Variants in NQO1 observed in about 807,000 individuals in gnomAD.
NQO1 encodes the protein NAD(P)H dehydrogenase [quinone] 1.
Under a neutral mutation model 32.1 loss-of-function variants are expected in NQO1, and 30 were observed. The observed-to-expected ratio is 0.94, with a 90% confidence interval of 0.70 to 1.27. The LOEUF (loss-of-function observed/expected upper bound fraction) is 1.27. NQO1 is among the 50% of genes most tolerant of loss of function. The probability of loss-of-function intolerance (pLI) is 0.00; values close to 1 mark genes in which losing one functional copy is unlikely to be tolerated. For missense variants in NQO1, 276 were observed against 331.3 expected, an observed-to-expected ratio of 0.83 and a Z score of 1.30; for synonymous variants, 109 against 119.7, an observed-to-expected ratio of 0.91 and a Z score of 0.59.
chr16:69,717,155 A>G lies in NQO1; in HGVS notation c.303+968T>C, dbSNP rs114748839. ...CCCTCCTCGTGGTTTCCAGGATCATATACATTCTATGTTCAATATCAAAAG... is the reference window on the plus strand; with the variant it reads ...CCCTCCTCGTGGTTTCCAGGATCATGTACATTCTATGTTCAATATCAAAAG... On this transcript the variant is annotated intron_variant, in intron 3 of 5. Coordinates refer to ENST00000320623, the MANE Select transcript of NQO1 (RefSeq NM_000903.3). Among the ~76,000 whole-genome samples the G allele has an allele frequency of 9.0e-3, 1,365 of 152,144 alleles. 19 individuals carry two copies. Among genetic ancestry groups the G allele is most frequent in the African/African-American group, 0.032 (1,309 of 41,494 alleles).
At chr16:69,713,565 T>C (rs2038069319) in intron 4 of NQO1, among the ~76,000 whole-genome samples, 1 of 152,208 alleles carries the variant, frequency 6.6e-6, no homozygotes, top group African/African-American at 2.4e-5. Context: ...TTGTTTTTAT[T>C]ATGGAAATTT....
In NQO1 at chr16:69,710,048, A is replaced by G. The variant is rs1459250611; in HGVS notation, c.*928T>C. The G allele has an allele frequency of 6.1e-6, 2 of 330,258 alleles. No individual in the cohort carries two copies. The highest frequency in any genetic ancestry group is 4.3e-5 in the African/African-American group (2 of 47,002). 20.5% of individuals were successfully genotyped at this position (330,258 alleles called of 1,614,324 possible). A position where few individuals can be genotyped will look rare whatever the true frequency, so the allele number is the denominator to read the frequency against. On this transcript the variant is annotated 3_prime_UTR_variant, in exon 6 of 6. Coordinates refer to ENST00000320623, the MANE Select transcript of NQO1 (RefSeq NM_000903.3). ...TGCAAACCTTAAAGTAGAAGATTGCAAGGGCCAGGTGTGGTGGATCACGCC... is the reference window on the plus strand; with the variant it reads ...TGCAAACCTTAAAGTAGAAGATTGCGAGGGCCAGGTGTGGTGGATCACGCC...
rs689453 is a variant in NQO1, at chr16:69,718,470, C to T, written c.72G>A (p.Glu24=). The T allele has an allele frequency of 0.07, 113,287 of 1,614,098 alleles. 4,413 individuals are homozygous for T. Among genetic ancestry groups the T allele is most frequent in the Middle Eastern group, 0.098 (595 of 6,062 alleles). The change falls in exon 2 of 6, where the codon GAG becomes GAA. Residue 24 remains glutamate (E), a synonymous_variant. Coordinates refer to ENST00000320623, the MANE Select transcript of NQO1 (RefSeq NM_000903.3). ...ERTSFNYAMK[E]AAAAALKKKG... Reference sequence around the variant, plus strand: ...TCTTCTTCAAAGCCGCTGCAGCAGCCTCCTTCATGGCATAGTTGAAGGACG... The same window carrying T: ...TCTTCTTCAAAGCCGCTGCAGCAGCTTCCTTCATGGCATAGTTGAAGGACG...
At position 69,714,958 on chromosome 16, in the gene NQO1, A is replaced by C. The variant is rs1291968903; in HGVS notation, c.417+6T>G. ...GCTGTCAGAGCATTCAGAACCATCC[A>C]CCTACCCGGAAGGGTCCTTTGTCAT... On this transcript the variant is annotated splice_donor_region_variant and intron_variant, in intron 4 of 5. Coordinates refer to ENST00000320623, the MANE Select transcript of NQO1 (RefSeq NM_000903.3). 3 of 1,601,236 alleles carry C rather than the reference A, an allele frequency of 1.9e-6. No homozygotes were observed. In the South Asian group the frequency reaches 3.3e-5, roughly 18 times the overall value.
intron 3 of NQO1, 112 bp from the exon 4 acceptor site, chr16:69,715,189 C>A: frequency 2.7e-6 from 2 of 747,612 alleles, no homozygotes; most frequent in South Asian, 1.5e-5. Flanking sequence ...AGCCCCTCTT[C>A]ACACCTTTCC....
chr16:69,722,817 T>A (rs1476369934), intron 1 of NQO1, among the ~76,000 whole-genome samples: 1 of 152,240 alleles, frequency 6.6e-6, no homozygotes, highest in Admixed American at 6.5e-5. Flanking sequence ...ACCCATGGAT[T>A]TAACATGATT....
intron 1 of NQO1, among the ~76,000 whole-genome samples, chr16:69,721,279 C>T (rs1312332199): frequency 6.6e-6 from 1 of 152,188 alleles, no homozygotes; most frequent in East Asian, 1.9e-4. Flanking sequence ...AGAGGATTAA[C>T]AGATGGGGCC....
chr16:69,713,606 C>T (rs990983831), intron 4 of NQO1, among the ~76,000 whole-genome samples: 2 of 152,180 alleles, frequency 1.3e-5, no homozygotes, highest in African/African-American at 4.8e-5. Flanking sequence ...AATAGTGCTG[C>T]ATCTATCACT....
Position 69,713,997 on chromosome 16 carries a change from T to C in NQO1, c.418-868A>G, listed in dbSNP as rs956466174. ...TTCAAGCAACTATCTTGCCTCAGCC[T>C]CCCGAGTACCTGGGACTACAGGCAC... On this transcript the variant is annotated intron_variant, in intron 4 of 5. Coordinates refer to ENST00000320623, the MANE Select transcript of NQO1 (RefSeq NM_000903.3). 2.6e-5 allele frequency among the ~76,000 whole-genome samples: 4 copies of C among 151,516 alleles called. No individual in the cohort carries two copies. The South Asian group carries it at 8.4e-4, about 32-fold the overall frequency.
chr16:69,711,714 C>G lies in NQO1; in HGVS notation c.520-433G>C, dbSNP rs2038044142. On this transcript the variant is annotated intron_variant, in intron 5 of 5. Transcript: ENST00000320623. ...GGTCGTCCAGGCTGGAGTGCCATGGCACGATCTCGGCTCATTGCGGCTTCC... is the reference window on the plus strand; with the variant it reads ...GGTCGTCCAGGCTGGAGTGCCATGGGACGATCTCGGCTCATTGCGGCTTCC... Among the ~76,000 whole-genome samples, 4 of 150,236 alleles carry G rather than the reference C, an allele frequency of 2.7e-5. No homozygotes were observed. In the South Asian group the frequency reaches 8.4e-4, roughly 31 times the overall value.
chr16:69,715,144 T>C, intron 3 of NQO1, 67 bp from the exon 4 acceptor site: 1 of 1,144,272 alleles, frequency 8.7e-7, no homozygotes, highest in Non-Finnish European at 1.3e-6. Context: ...TGGCTCGGAG[T>C]GCTGAGCCGC....
intron 3 of NQO1, 38 bp downstream of exon 3, chr16:69,718,085 C>A: frequency 6.2e-7 from 1 of 1,612,250 alleles, no homozygotes; most frequent in South Asian, 1.1e-5. Context: ...AATAAGCACG[C>A]AAATGTCCCT....
Position 69,726,425 on chromosome 16 carries a change from G to T in NQO1, c.7+8C>A, listed in dbSNP as rs945908070. 3 of 1,611,894 alleles carry T rather than the reference G, an allele frequency of 1.9e-6. No individual in the cohort carries two copies. Among genetic ancestry groups the T allele is most frequent in the Non-Finnish European group, 2.5e-6 (3 of 1,179,512 alleles). ...ACCGCCAAGCACCCCGCCCTTTGCA[G>T]CACTCACCGACCATGGCTCTGGTGC... On this transcript the variant is annotated splice_region_variant and intron_variant, in intron 1 of 5. Transcript: ENST00000320623.
At chr16:69,715,895 G>A (rs2033376823) in intron 3 of NQO1, among the ~76,000 whole-genome samples, 1 of 151,714 alleles carries the variant, frequency 6.6e-6, no homozygotes, top group Admixed American at 6.6e-5. Flanking sequence ...GGCTGAGTGT[G>A]GTTGCTCATG....
intron 3 of NQO1, among the ~76,000 whole-genome samples, chr16:69,717,296 CGAA>C (rs1567632311): frequency 6.6e-6 from 1 of 152,146 alleles, no homozygotes; most frequent in Non-Finnish European, 1.5e-5. Flanking sequence ...GGCAGCTTCC[CGAA>C]GAAGAAAGGC....
In NQO1 at chr16:69,722,081, G is replaced by A. The variant is rs1256494359; in HGVS notation, c.8-3547C>T. ...GACGCTTACCCCCACAGTTGCTCCT[G>A]ATAATGTGCGCTGCTACTTCATACC... On this transcript the variant is annotated intron_variant, in intron 1 of 5. Coordinates refer to ENST00000320623, the MANE Select transcript of NQO1 (RefSeq NM_000903.3). Among the ~76,000 whole-genome samples, 3 of 149,684 alleles carry A rather than the reference G, an allele frequency of 2.0e-5. No individual in the cohort carries two copies. In the East Asian group the frequency reaches 6.0e-4, roughly 30 times the overall value.
In NQO1 at chr16:69,718,231, G is replaced by T. The variant is rs1447697523; in HGVS notation, c.195C>A (p.Asn65Lys). ...DITGKLKDPA[N>K]FQYPAESVLA... The stretch of plus-strand genomic sequence containing the variant: ...GAACAGACTCGGCAGGATACTGAAA[G>T]TTCGCAGGGTCCTTCAGTTTACCTG... Residue 65 changes from asparagine (N) to lysine (K), a missense_variant, in exon 3 of 6, where the codon AAC becomes AAA. Asn to Lys is a moderately conservative substitution (Grantham distance 94, BLOSUM62 0). Coordinates refer to ENST00000320623, the MANE Select transcript of NQO1 (RefSeq NM_000903.3). The T allele has an allele frequency of 4.3e-6, 7 of 1,614,050 alleles. No individual in the cohort carries two copies. The highest frequency in any genetic ancestry group is 5.9e-6 in the Non-Finnish European group (7 of 1,180,054).
chr16:69,719,104 C>T (rs148083147), intron 1 of NQO1, among the ~76,000 whole-genome samples: 6 of 151,702 alleles, frequency 4.0e-5, no homozygotes, highest in South Asian at 2.1e-4. Context: ...TTTACCCATT[C>T]GTTTACATGG....
At chr16:69,712,288 G>A (rs1416162914) in intron 5 of NQO1, among the ~76,000 whole-genome samples, 2 of 151,108 alleles carry the variant, frequency 1.3e-5, no homozygotes, top group African/African-American at 4.9e-5. Flanking sequence ...ATGTTGCCCA[G>A]GCTGGTCTCA....
Sources: allele counts gnomAD v4.1 joint callset (sites outside exome capture counted in the v4.1 genomes callset), GRCh38; gene constraint gnomAD v4.1.1; transcripts MANE v1.5; gene names NCBI Gene and HGNC (gene_info 2026-07-23, HGNC 2026-07-21).